The following PAM variants were observed in gnomAD, a reference collection of about 807,000 sequenced individuals.
PAM encodes peptidylglycine alpha-amidating monooxygenase, also known as peptidyl-glycine alpha-amidating monooxygenase.
A neutral mutation model predicts 122.1 loss-of-function variants in PAM; 72 were observed. That is an observed-to-expected ratio of 0.59 (90% confidence interval 0.49 to 0.72). PAM has a LOEUF of 0.72. PAM is among the 30% of genes least tolerant of loss of function. The probability of loss-of-function intolerance (pLI) is 0.00; values close to 1 mark genes in which losing one functional copy is unlikely to be tolerated. For missense variants in PAM, 1,106 were observed against 1,183.7 expected, an observed-to-expected ratio of 0.93 and a Z score of 0.96; for synonymous variants, 389 against 404.4, an observed-to-expected ratio of 0.96 and a Z score of 0.46.
In PAM at chr5:102,814,782, G is replaced by T. The variant is rs115143503; in HGVS notation, c.-373-51041G>T. ...AAATTCTAAATTGATGTATTTACTT[G>T]ATGGCAGATCTGCAGTTATTCCATT... is the stretch of plus-strand genomic sequence containing the variant. On this transcript the variant is annotated intron_variant, in intron 1 of 25. Coordinates refer to ENST00000438793, the MANE Select transcript of PAM (RefSeq NM_001177306.2). Among the ~76,000 whole-genome samples the T allele has an allele frequency of 6.0e-3, 915 of 151,984 alleles. 12 individuals are homozygous for T. Among genetic ancestry groups the T allele is most frequent in the African/African-American group, 0.021 (860 of 41,446 alleles).
At chr5:102,797,082 A>G (rs1763557497) in intron 1 of PAM, among the ~76,000 whole-genome samples, 1 of 152,224 alleles carries the variant, frequency 6.6e-6, no homozygotes, top group Non-Finnish European at 1.5e-5. Context: ...TCTGTAAAAA[A>G]CAGACTTAAA....
intron 1 of PAM, among the ~76,000 whole-genome samples, chr5:102,755,635 G>C (rs893652478): frequency 5.3e-5 from 8 of 152,070 alleles, no homozygotes; most frequent in African/African-American, 1.9e-4. Context: ...AGTTTGTGAG[G>C]GGTCGTCCTC....
At chr5:102,758,073 GTTTTTTTTTTTTTTTTTTTTT>G (rs1168917285) in intron 1 of PAM, among the ~76,000 whole-genome samples, 5 of 24,814 alleles carry the variant, frequency 2.0e-4, no homozygotes, top group South Asian at 3.6e-3. Context: ...TTAGAATTTT[GTTTTTTTTTTTTTTTTTTTTT>G]TTTTTTTTTT....
At chr5:102,800,176 C>G (rs972518955) in intron 1 of PAM, among the ~76,000 whole-genome samples, 19 of 152,176 alleles carry the variant, frequency 1.2e-4, no homozygotes, top group African/African-American at 4.6e-4. Flanking sequence ...GACCTTTGTT[C>G]TTGCTGCTTT....
chr5:102,780,164 C>T (rs1758330275), intron 1 of PAM, among the ~76,000 whole-genome samples: 1 of 151,854 alleles, frequency 6.6e-6, no homozygotes, highest in South Asian at 2.1e-4. Context: ...ACCCACCTCA[C>T]CTGTTAGCCA....
intron 12 of PAM, among the ~76,000 whole-genome samples, chr5:102,957,161 G>A (rs750361233): frequency 6.6e-6 from 1 of 152,100 alleles, no homozygotes; most frequent in Non-Finnish European, 1.5e-5. Context: ...ACATCTGTAT[G>A]CATATCTATG....
chr5:102,924,644 T>A (rs1483958584), intron 5 of PAM, among the ~76,000 whole-genome samples: 1 of 152,086 alleles, frequency 6.6e-6, no homozygotes, highest in Admixed American at 6.5e-5. Flanking sequence ...ATGTAATGCT[T>A]GCTTTTCTAC....
chr5:103,008,251 G>C (rs934306087), intron 20 of PAM, among the ~76,000 whole-genome samples: 1 of 151,336 alleles, frequency 6.6e-6, no homozygotes, highest in African/African-American at 2.4e-5. Context: ...TTTAAATAAT[G>C]AAAATATATT....
intron 1 of PAM, among the ~76,000 whole-genome samples, chr5:102,852,782 C>T (rs1561634677): frequency 6.6e-6 from 1 of 152,122 alleles, no homozygotes; most frequent in Non-Finnish European, 1.5e-5. Flanking sequence ...GGAATGAATA[C>T]TAAATTCAAT....
At chr5:102,898,495 A>C (rs909133141) in intron 3 of PAM, among the ~76,000 whole-genome samples, 1 of 151,678 alleles carries the variant, frequency 6.6e-6, no homozygotes, top group Non-Finnish European at 1.5e-5. Flanking sequence ...TGCTGTCTTT[A>C]TCTCTTCAGA....
At chr5:102,774,371 C>T (rs553137922) in intron 1 of PAM, among the ~76,000 whole-genome samples, 4 of 152,104 alleles carry the variant, frequency 2.6e-5, no homozygotes, top group Non-Finnish European at 4.4e-5. Flanking sequence ...TTATTTATGG[C>T]AGCAGTATAG....
At chr5:102,816,805 T>A (rs904400874) in intron 1 of PAM, among the ~76,000 whole-genome samples, 3 of 152,154 alleles carry the variant, frequency 2.0e-5, no homozygotes, top group African/African-American at 4.8e-5. Flanking sequence ...ATTCTCTTAT[T>A]AAGTCTCATG....
intron 1 of PAM, among the ~76,000 whole-genome samples, chr5:102,813,678 C>T (rs750739449): frequency 2.0e-5 from 3 of 152,096 alleles, no homozygotes; most frequent in Non-Finnish European, 4.4e-5. Flanking sequence ...TGTGGAATGC[C>T]CCATTTCTGC....
chr5:102,931,199 G>A (rs544084601), intron 7 of PAM, among the ~76,000 whole-genome samples: 1 of 152,176 alleles, frequency 6.6e-6, no homozygotes, highest in African/African-American at 2.4e-5. Flanking sequence ...AAAGGACGTG[G>A]TTACTTTTCA....
chr5:102,859,528 A>G (rs1581031005), intron 1 of PAM, among the ~76,000 whole-genome samples: 1 of 152,160 alleles, frequency 6.6e-6, no homozygotes, highest in East Asian at 1.9e-4. Context: ...AAAAAGTTAA[A>G]CAATTTTTAA....
intron 1 of PAM, among the ~76,000 whole-genome samples, chr5:102,758,056 AAAAG>A (rs1751022519): frequency 9.9e-6 from 1 of 100,684 alleles, no homozygotes; most frequent in East Asian, 3.1e-4. Context: ...AAAAAAAAAA[AAAAG>A]ACTTAGAATT....
intron 1 of PAM, among the ~76,000 whole-genome samples, chr5:102,792,655 A>G (rs1280829839): frequency 1.3e-5 from 2 of 152,254 alleles, no homozygotes; most frequent in East Asian, 3.9e-4. Context: ...GTAATTTGGA[A>G]TCTCTTCTCA....
intron 1 of PAM, among the ~76,000 whole-genome samples, chr5:102,860,937 G>A (rs1434800031): frequency 2.0e-5 from 3 of 152,106 alleles, no homozygotes; most frequent in Admixed American, 6.5e-5. Flanking sequence ...TTCAGTGGGT[G>A]GGGCTGACCT....
At chr5:102,872,318 A>T (rs1787791191) in intron 3 of PAM, among the ~76,000 whole-genome samples, 1 of 152,220 alleles carries the variant, frequency 6.6e-6, no homozygotes, top group Non-Finnish European at 1.5e-5. Context: ...GAAAAACCTG[A>T]AATTAGAATC....
Sources: allele counts gnomAD v4.1 joint callset (sites outside exome capture counted in the v4.1 genomes callset), GRCh38; gene constraint gnomAD v4.1.1; transcripts MANE v1.5; gene names NCBI Gene and HGNC (gene_info 2026-07-23, HGNC 2026-07-21).